TRHDE: variants seen among roughly 807,000 people sequenced by gnomAD.
TRHDE encodes thyrotropin-releasing hormone-degrading ectoenzyme.
A neutral mutation model predicts 125.7 loss-of-function variants in TRHDE; 72 were observed. The ratio of observed to expected loss-of-function variants is 0.57; its 90% CI spans 0.47 to 0.70. The LOEUF (loss-of-function observed/expected upper bound fraction) is 0.70. Among genes scored for constraint, TRHDE ranks in the 30% least tolerant of loss-of-function variants. The pLI, the probability that TRHDE is intolerant of heterozygous loss-of-function variation, is 0.00. For synonymous variants in TRHDE, 509 were observed against 509.1 expected (o/e 1.00, Z 0.00); for missense variants, 1,110 against 1,327.1 (o/e 0.84, Z 2.54).
chr12:72,640,973 T>A (rs1874033577), intron 15 of TRHDE, among the ~76,000 whole-genome samples: 1 of 152,200 alleles, frequency 6.6e-6, no homozygotes, highest in Non-Finnish European at 1.5e-5. Flanking sequence ...AAATCCACAT[T>A]TCAGTGTTAA....
At chr12:72,510,305 A>T (rs1878531710) in intron 6 of TRHDE, among the ~76,000 whole-genome samples, 1 of 152,216 alleles carries the variant, frequency 6.6e-6, no homozygotes, top group Non-Finnish European at 1.5e-5. Context: ...CTGGTATATT[A>T]CATTTATTGA....
upstream of TRHDE, among the ~76,000 whole-genome samples, chr12:72,269,449 G>A (rs1321308330): frequency 2.0e-5 from 3 of 152,166 alleles, no homozygotes; most frequent in Non-Finnish European, 2.9e-5. Context: ...ACAGTTAGTA[G>A]AGACTTTATT....
intron 3 of TRHDE, among the ~76,000 whole-genome samples, chr12:72,398,554 C>T (rs1465979871): frequency 6.6e-6 from 1 of 152,194 alleles, no homozygotes; most frequent in East Asian, 1.9e-4. Flanking sequence ...CAGTACTTGA[C>T]ATATGGTAGA....
chr12:72,349,651 T>G (rs1870493532), intron 2 of TRHDE, among the ~76,000 whole-genome samples: 1 of 151,976 alleles, frequency 6.6e-6, no homozygotes, highest in Non-Finnish European at 1.5e-5. Flanking sequence ...CAACATCTGT[T>G]TTTTGTTGAG....
intron 18 of TRHDE, among the ~76,000 whole-genome samples, chr12:72,660,780 C>T (rs964901551): frequency 1.3e-5 from 2 of 152,114 alleles, no homozygotes; most frequent in African/African-American, 2.4e-5. Context: ...TCTCTTGCCT[C>T]GGCACCCGGG....
intron 7 of TRHDE, among the ~76,000 whole-genome samples, chr12:72,552,077 G>T (rs1374176102): frequency 1.3e-5 from 2 of 152,134 alleles, no homozygotes; most frequent in Non-Finnish European, 2.9e-5. Flanking sequence ...ACCATGCATT[G>T]CCCAATAGTC....
intron 2 of TRHDE, among the ~76,000 whole-genome samples, chr12:72,170,034 A>G (rs1876835918): frequency 6.6e-6 from 1 of 152,214 alleles, no homozygotes; most frequent in Non-Finnish European, 1.5e-5. Context: ...AGAAGTGACA[A>G]TAAATAGGAA....
chr12:72,438,068 T>G (rs1362537243), intron 3 of TRHDE, among the ~76,000 whole-genome samples: 1 of 152,002 alleles, frequency 6.6e-6, no homozygotes, highest in Non-Finnish European at 1.5e-5. Context: ...CTTAACATAA[T>G]GTCCTTCAGG....
At chr12:72,460,710 A>T (rs1474405157) in intron 3 of TRHDE, among the ~76,000 whole-genome samples, 1 of 152,186 alleles carries the variant, frequency 6.6e-6, no homozygotes, top group African/African-American at 2.4e-5. Flanking sequence ...GGATGGCAAG[A>T]AGGGGTCATT....
At chr12:72,179,549 T>TCCTTCTTCCCCTACTTCCCCATGGGGA (rs2139340520) in intron 2 of TRHDE, among the ~76,000 whole-genome samples, 1 of 152,218 alleles carries the variant, frequency 6.6e-6, no homozygotes, top group Non-Finnish European at 1.5e-5. Context: ...ACTTCCCCAT[T>TCCTTCTTCCCCTACTTCCCCATGGGGA]TTTACATATC....
intron 2 of TRHDE, among the ~76,000 whole-genome samples, chr12:72,372,040 C>A (rs1474489093): frequency 6.6e-6 from 1 of 152,188 alleles, no homozygotes; most frequent in East Asian, 1.9e-4. Flanking sequence ...TCTCCACATC[C>A]TCTCCAGCAC....
At chr12:72,145,605 T>C (rs1362125425) in intron 2 of TRHDE, among the ~76,000 whole-genome samples, 1 of 152,186 alleles carries the variant, frequency 6.6e-6, no homozygotes, top group African/African-American at 2.4e-5. Flanking sequence ...GAAAGTAAAA[T>C]ACCATCTTTT....
rs181424092 is a variant in TRHDE, at chr12:72,486,817, C to T, written c.1585-12681C>T. 1.1e-3 allele frequency among the ~76,000 whole-genome samples: 168 copies of T among 152,086 alleles called. 1 individual carries two copies. Among genetic ancestry groups the T allele is most frequent in the African/African-American group, 3.6e-3 (151 of 41,486 alleles). ...CTTCAGTAACTAACCTGCAAAGAAA[C>T]GGAAATTTACAAATTGCCTAAAAAG... is the stretch of plus-strand genomic sequence containing the variant. On this transcript the variant is annotated intron_variant, in intron 5 of 18. Transcript: ENST00000261180.
intron 2 of TRHDE, among the ~76,000 whole-genome samples, chr12:72,287,848 T>C (rs1879948452): frequency 6.6e-6 from 1 of 152,150 alleles, no homozygotes. Context: ...TTATCCCATG[T>C]TGAATTAACA....
At chr12:72,407,315 G>A (rs1231554154) in intron 3 of TRHDE, among the ~76,000 whole-genome samples, 1 of 152,172 alleles carries the variant, frequency 6.6e-6, no homozygotes, top group African/African-American at 2.4e-5. Context: ...TGAGAAATCT[G>A]GAGGTCATAA....
chr12:72,377,603 C>G (rs1016711994), intron 2 of TRHDE, among the ~76,000 whole-genome samples: 2 of 152,110 alleles, frequency 1.3e-5, no homozygotes, highest in African/African-American at 4.8e-5. Context: ...CTTTAACAAA[C>G]CATGAATTTT....
At chr12:72,091,120 C>T (rs1874780429) in intron 1 of TRHDE, among the ~76,000 whole-genome samples, 1 of 152,124 alleles carries the variant, frequency 6.6e-6, no homozygotes, top group Admixed American at 6.6e-5. Flanking sequence ...GTGATCCTCC[C>T]TCTTCAGCCT....
At chr12:72,495,305 T>C (rs1877868284) in intron 5 of TRHDE, among the ~76,000 whole-genome samples, 1 of 152,040 alleles carries the variant, frequency 6.6e-6, no homozygotes, top group African/African-American at 2.4e-5. Flanking sequence ...TAATCCTGTG[T>C]ACTGCAGATA....
intron 12 of TRHDE, among the ~76,000 whole-genome samples, chr12:72,617,443 A>C (rs1216406672): frequency 6.6e-6 from 1 of 152,160 alleles, no homozygotes. Flanking sequence ...TGGAAAAATT[A>C]TTTTAACGAA....
Sources: allele counts gnomAD v4.1 joint callset (sites outside exome capture counted in the v4.1 genomes callset), GRCh38; gene constraint gnomAD v4.1.1; transcripts MANE v1.5; gene names NCBI Gene and HGNC (gene_info 2026-07-23, HGNC 2026-07-21).